GINS2: variants seen among roughly 807,000 people sequenced by gnomAD.
The protein encoded by GINS2 is DNA replication complex GINS protein PSF2.
A neutral mutation model predicts 21.2 loss-of-function variants in GINS2; 23 were observed. The observed-to-expected ratio is 1.08, with a 90% CI of 0.78 to 1.53. The LOEUF (loss-of-function observed/expected upper bound fraction) is 1.53, where lower values mean the gene tolerates loss of function less well. Among genes scored for constraint, GINS2 ranks in the 40% most tolerant of loss-of-function variants. The pLI, the probability that GINS2 is intolerant of heterozygous loss-of-function variation, is 0.00. For missense variants in GINS2, 323 were observed against 233.9 expected, an observed-to-expected ratio of 1.38 and a Z score of -2.49; for synonymous variants, 118 against 85.6, an observed-to-expected ratio of 1.38 and a Z score of -2.09.
intron 2 of GINS2, among the ~76,000 whole-genome samples, chr16:85,684,403 G>A (rs930576065): frequency 2.6e-5 from 4 of 152,320 alleles, no homozygotes; most frequent in Admixed American, 2.6e-4. Flanking sequence ...GCTGAGATGG[G>A]AGGATCACTC....
At chr16:85,683,713 C>A (rs2053752618) in intron 2 of GINS2, among the ~76,000 whole-genome samples, 1 of 152,252 alleles carries the variant, frequency 6.6e-6, no homozygotes, top group East Asian at 1.9e-4. Flanking sequence ...CAGTGCTTGC[C>A]TGGATTCATT....
chr16:85,683,363 A>G (rs1196742500), intron 2 of GINS2, among the ~76,000 whole-genome samples: 1 of 151,966 alleles, frequency 6.6e-6, no homozygotes, highest in African/African-American at 2.4e-5. Flanking sequence ...CATGCTCAGA[A>G]AGACCTCCAA....
In GINS2 at chr16:85,676,764, AG is replaced by A. The variant is rs1279366347; in HGVS notation, c.*1447del. 1 of 152,218 alleles carries A rather than the reference AG, an allele frequency of 6.6e-6. No individual in the cohort carries two copies. Among genetic ancestry groups the A allele is most frequent in the African/African-American group, 2.4e-5 (1 of 41,442 alleles). The allele number at this position is 152,218 out of a possible 1,614,324, so 9.4% of individuals were successfully genotyped here. ...CAGTGCTTTGGGAGGCTGTGGTGGG[AG>A]AACTGTGTGAACCCAGGAGTTCGAG... is the stretch of plus-strand genomic sequence containing the variant. On this transcript the variant is annotated 3_prime_UTR_variant, in exon 5 of 5. Coordinates refer to ENST00000253462, the MANE Select transcript of GINS2 (RefSeq NM_016095.3).
rs1344866701 is a variant in GINS2, at chr16:85,688,820, A to G, written c.79T>C (p.Tyr27His). The G allele has an allele frequency of 2.0e-6, 3 of 1,534,322 alleles. No homozygotes were observed. In the Admixed American group the frequency reaches 6.0e-5, roughly 31 times the overall value. The part of the protein sequence containing the change: ...IIPNFSLDKI[Y>H]LIGGDLGPFN... ...GGCCCAGGCCTCACCCCGATGAGGT[A>G]GATCTTGTCCAGACTGAAGTTGGGG... is the stretch of plus-strand genomic sequence containing the variant. The change falls in exon 1 of 5, where the codon TAC (tyrosine) becomes CAC (histidine). Residue 27 changes from tyrosine to histidine, a missense_variant. Coordinates refer to ENST00000253462, the MANE Select transcript of GINS2 (RefSeq NM_016095.3).
chr16:85,685,943 A>G (rs2053773401), intron 2 of GINS2, among the ~76,000 whole-genome samples: 1 of 151,920 alleles, frequency 6.6e-6, no homozygotes, highest in Non-Finnish European at 1.5e-5. Flanking sequence ...AAAATCACTC[A>G]GGGTCTTTTC....
chr16:85,678,717 C>G (rs768569140), intron 3 of GINS2, 51 bp from the exon 4 acceptor site: 1 of 1,584,974 alleles, frequency 6.3e-7, no homozygotes, highest in Admixed American at 1.7e-5. Flanking sequence ...TAACCTGAGG[C>G]AATGCTGGAT....
At chr16:85,680,316 C>T (rs944408863) in intron 3 of GINS2, among the ~76,000 whole-genome samples, 6 of 152,188 alleles carry the variant, frequency 3.9e-5, no homozygotes, top group African/African-American at 1.4e-4. Context: ...AATTCAGCAG[C>T]GCCATTCAGT....
chr16:85,685,330 C>A (rs942114234), intron 2 of GINS2, among the ~76,000 whole-genome samples: 1 of 152,040 alleles, frequency 6.6e-6, no homozygotes, highest in Non-Finnish European at 1.5e-5. Context: ...AAACAAGGGG[C>A]CTGGAGAGGA....
At position 85,677,594 on chromosome 16, in the gene GINS2, C is replaced by G. The variant is rs888566564; in HGVS notation, c.*618G>C. The G allele has an allele frequency of 6.6e-6, 1 of 152,256 alleles. No individual in the cohort carries two copies. The highest frequency in any genetic ancestry group is 1.9e-4 in the East Asian group (1 of 5,200). 9.4% of individuals were successfully genotyped at this position (152,256 alleles called of 1,614,324 possible). A position where few individuals can be genotyped will look rare whatever the true frequency, so the allele number is the denominator to read the frequency against. On this transcript the variant is annotated 3_prime_UTR_variant, in exon 5 of 5. Coordinates refer to ENST00000253462, the MANE Select transcript of GINS2 (RefSeq NM_016095.3). ...ACTTAACTGCCGTGTGCCTCAGTTT[C>G]GTTGACTGAGTCATCTCAGCCACAG...
At chr16:85,680,411 G>A (rs2053721604) in intron 3 of GINS2, among the ~76,000 whole-genome samples, 2 of 152,182 alleles carry the variant, frequency 1.3e-5, no homozygotes, top group South Asian at 4.1e-4. Flanking sequence ...CTTGAACCCA[G>A]TTAAAGGATA....
rs2053699986 is a variant in GINS2 at position 85,678,195 on chromosome 16, C to T, written c.*17G>A. The T allele has an allele frequency of 1.2e-6, 2 of 1,611,478 alleles. No homozygotes were observed. Among genetic ancestry groups the T allele is most frequent in the African/African-American group, 1.3e-5 (1 of 74,836 alleles). On this transcript the variant is annotated 3_prime_UTR_variant, in exon 5 of 5. Transcript: ENST00000253462. ...GCGCTCACATCCCCCAGCAAGCCGC[C>T]TGCACCAGGCCTTTCTCTAGAAGTC...
chr16:85,685,441 T>TC (rs2053766226), intron 2 of GINS2, among the ~76,000 whole-genome samples: 1 of 151,190 alleles, frequency 6.6e-6, no homozygotes, highest in Non-Finnish European at 1.5e-5. Context: ...TCTGAGAGGA[T>TC]CACTGGAGCC....
chr16:85,688,757 C>T (rs2053802197), intron 1 of GINS2, 52 bp downstream of exon 1: 1 of 1,193,040 alleles, frequency 8.4e-7, no homozygotes. Flanking sequence ...ACGCGGGAGC[C>T]CCGGACGCGC....
intron 3 of GINS2, among the ~76,000 whole-genome samples, chr16:85,680,303 T>C (rs1394257301): frequency 6.6e-6 from 1 of 152,206 alleles, no homozygotes; most frequent in African/African-American, 2.4e-5. Flanking sequence ...AACTTTTCCT[T>C]TAAATTCAGC....
chr16:85,683,095 T>A (rs1046322546), intron 2 of GINS2, among the ~76,000 whole-genome samples: 8 of 151,992 alleles, frequency 5.3e-5, no homozygotes, highest in Non-Finnish European at 1.2e-4. Context: ...AGTAAGGCAC[T>A]CCAGCAGCTC....
chr16:85,688,137 T>A (rs1031106297), intron 1 of GINS2: 1 of 151,122 alleles, frequency 6.6e-6, no homozygotes, highest in African/African-American at 2.4e-5. Flanking sequence ...ATCTCAAAGA[T>A]AAAGACAAAA....
intron 3 of GINS2, 45 bp downstream of exon 3, chr16:85,681,537 G>C (rs569317595): frequency 1.8e-6 from 2 of 1,110,710 alleles, no homozygotes; most frequent in South Asian, 1.3e-5. Flanking sequence ...AGGGCATGGC[G>C]AGTCCAGTCT....
chr16:85,687,791 G>T (rs780595468), intron 1 of GINS2: 1 of 434,790 alleles, frequency 2.3e-6, no homozygotes, highest in East Asian at 3.9e-5. Flanking sequence ...GCCTTTCCGC[G>T]GACAGGATGC....
At position 85,681,118 on chromosome 16, in the gene GINS2, A is replaced by G. The variant is rs74034028; in HGVS notation, c.305+464T>C. Among the ~76,000 whole-genome samples, 877 of 152,354 alleles carry G rather than the reference A, an allele frequency of 5.8e-3. 11 individuals carry two copies. Among genetic ancestry groups the G allele is most frequent in the African/African-American group, 0.02 (832 of 41,578 alleles). Reference sequence around the variant, plus strand: ...TCCTGTAACCCAAGGACAGAGGCAAATGTAAGCCCTCTGGCCTTTCCTGCG... The same window carrying G: ...TCCTGTAACCCAAGGACAGAGGCAAGTGTAAGCCCTCTGGCCTTTCCTGCG... On this transcript the variant is annotated intron_variant, in intron 3 of 4. Transcript: ENST00000253462.
Sources: gnomAD v4.1 joint callset for allele counts (sites outside exome capture counted in the v4.1 genomes callset) on GRCh38, gnomAD v4.1.1 for gene constraint, MANE v1.5 for transcripts, NCBI Gene and HGNC (gene_info 2026-07-23, HGNC 2026-07-21) for gene names.